UBE2E3: variants seen among roughly 807,000 people sequenced by gnomAD.
UBE2E3 encodes the protein ubiquitin-conjugating enzyme E2 E3.
UBE2E3 carries 5 observed loss-of-function variants against 23.6 expected under a neutral mutation model. The observed-to-expected ratio is 0.21, with a 90% CI of 0.11 to 0.44. UBE2E3 has a LOEUF of 0.44. Ranked by LOEUF, UBE2E3 falls within the 20% of genes least tolerant of loss-of-function variation. The pLI is 0.99. For missense variants in UBE2E3, 81 were observed against 249.8 expected (o/e 0.32, Z 4.55); for synonymous variants, 78 against 87.5 (o/e 0.89, Z 0.60).
intron 3 of UBE2E3, among the ~76,000 whole-genome samples, chr2:181,022,918 A>G (rs1685754698): frequency 6.6e-6 from 1 of 152,170 alleles, no homozygotes; most frequent in African/African-American, 2.4e-5. Context: ...TCAACTTACA[A>G]TGGGGCTATG....
Position 180,986,202 on chromosome 2 carries a change from G to T in UBE2E3, c.245+2109G>T, listed in dbSNP as rs374554739. The stretch of plus-strand genomic sequence containing the variant: ...CAACTGCTGCAAATGACATCTTTCA[G>T]TTCTCAGGTTCTTTTAATAGATGAG... On this transcript the variant is annotated intron_variant, in intron 3 of 5. Coordinates refer to ENST00000410062, the MANE Select transcript of UBE2E3 (RefSeq NM_006357.4). Among the ~76,000 whole-genome samples the T allele has an allele frequency of 1.3e-3, 202 of 152,192 alleles. 4 individuals carry two copies. The South Asian group carries it at 0.04, about 30-fold the overall frequency.
Position 181,041,236 on chromosome 2 carries a change from A to AT in UBE2E3, c.246-16457_246-16456insT. ...AACGACAGAGCAAGACTCCGTCTCA[A>AT]AAAAAAAAAAAAAAAAAGATAGATT... On this transcript the variant is annotated intron_variant, in intron 3 of 5. Transcript: ENST00000410062. Among the ~76,000 whole-genome samples the AT allele has an allele frequency of 2.0e-5, 3 of 146,686 alleles. No homozygotes were observed. In the South Asian group the frequency reaches 6.4e-4, roughly 31 times the overall value.
chr2:181,025,785 G>C (rs991255131), intron 3 of UBE2E3, among the ~76,000 whole-genome samples: 1 of 151,820 alleles, frequency 6.6e-6, no homozygotes, highest in South Asian at 2.1e-4. Flanking sequence ...AGAAAAATCT[G>C]AGTTTCATAC....
chr2:180,993,102 C>T (rs1243828560), intron 3 of UBE2E3, among the ~76,000 whole-genome samples: 1 of 152,108 alleles, frequency 6.6e-6, no homozygotes, highest in Non-Finnish European at 1.5e-5. Flanking sequence ...GACATTCTAT[C>T]AGTTTTATAA....
At chr2:181,004,434 A>T (rs1173530967) in intron 3 of UBE2E3, among the ~76,000 whole-genome samples, 1 of 152,120 alleles carries the variant, frequency 6.6e-6, no homozygotes, top group Non-Finnish European at 1.5e-5. Flanking sequence ...AGAGATCGGG[A>T]CCATCCTGGC....
chr2:181,030,801 T>C (rs1187505013), intron 3 of UBE2E3, among the ~76,000 whole-genome samples: 1 of 152,122 alleles, frequency 6.6e-6, no homozygotes, highest in Non-Finnish European at 1.5e-5. Flanking sequence ...AGGTTGAATT[T>C]TTCTAGGAAT....
intron 2 of UBE2E3, among the ~76,000 whole-genome samples, chr2:180,983,379 T>G (rs1684361842): frequency 6.6e-6 from 1 of 152,220 alleles, no homozygotes; most frequent in Admixed American, 6.5e-5. Context: ...TTTGAAATCA[T>G]CTTAAATTTG....
intron 3 of UBE2E3, chr2:180,989,772 C>T (rs914039197): frequency 9.3e-6 from 11 of 1,187,672 alleles, no homozygotes; most frequent in Middle Eastern, 2.1e-4. Context: ...ATGTTTACTT[C>T]GCAGCTACAT....
chr2:181,055,118 G>C (rs1686952982), intron 3 of UBE2E3, among the ~76,000 whole-genome samples: 2 of 151,718 alleles, frequency 1.3e-5, no homozygotes, highest in African/African-American at 4.8e-5. Flanking sequence ...AATGCCTGTT[G>C]GGAATGAGTT....
chr2:181,058,812 A>T (rs530436830), intron 4 of UBE2E3, among the ~76,000 whole-genome samples: 33 of 151,778 alleles, frequency 2.2e-4, no homozygotes, highest in Non-Finnish European at 4.6e-4. Context: ...CAAGGTAACG[A>T]GTGCCATCTA....
chr2:180,987,158 TA>T (rs1233691237), intron 3 of UBE2E3, among the ~76,000 whole-genome samples: 8 of 152,164 alleles, frequency 5.3e-5, no homozygotes, highest in African/African-American at 1.9e-4. Flanking sequence ...AACATAGGGA[TA>T]TGTTTATTTA....
chr2:181,033,314 A>G (rs970652458), intron 3 of UBE2E3, among the ~76,000 whole-genome samples: 2 of 152,240 alleles, frequency 1.3e-5, no homozygotes, highest in Admixed American at 1.3e-4. Context: ...ACAGCAGGGT[A>G]CTGGTACCAA....
intron 3 of UBE2E3, among the ~76,000 whole-genome samples, chr2:181,047,584 C>CT (rs139089800): frequency 0.018 from 2,734 of 152,216 alleles, 68 homozygotes; most frequent in African/African-American, 0.062. Context: ...CGAAACCCTC[C>CT]TTTTCCTCAC....
intron 3 of UBE2E3, among the ~76,000 whole-genome samples, chr2:180,994,980 A>G (rs1386226265): frequency 6.6e-6 from 1 of 152,216 alleles, no homozygotes; most frequent in Non-Finnish European, 1.5e-5. Context: ...TAACTATAAC[A>G]TACTGTATTA....
chr2:180,982,071 A>C lies in UBE2E3; in HGVS notation c.29A>C (p.Asp10Ala). The change falls in exon 2 of 6, where the codon GAT becomes GCT. Residue 10 changes from aspartate to alanine, a missense_variant. Asp to Ala is a moderately radical substitution (Grantham distance 126). Coordinates refer to ENST00000410062, the MANE Select transcript of UBE2E3 (RefSeq NM_006357.4). MSSDRQRSD[D>A]ESPSTSSGSS... is the part of the protein sequence containing the mutation. ...TCCAGTGATAGGCAAAGGTCCGATG[A>C]TGAGAGCCCCAGCACCAGCAGTGGC... is the stretch of plus-strand genomic sequence containing the variant. The C allele has an allele frequency of 6.2e-7, 1 of 1,606,814 alleles. No homozygotes were observed. The highest frequency in any genetic ancestry group is 8.5e-7 in the Non-Finnish European group (1 of 1,177,766).
At chr2:181,020,403 A>G (rs1685638320) in intron 3 of UBE2E3, among the ~76,000 whole-genome samples, 1 of 152,108 alleles carries the variant, frequency 6.6e-6, no homozygotes, top group African/African-American at 2.4e-5. Flanking sequence ...CATCTTCACT[A>G]ATTACATCTG....
intron 3 of UBE2E3, among the ~76,000 whole-genome samples, chr2:181,022,529 G>A (rs1437115798): frequency 4.0e-5 from 6 of 151,482 alleles, no homozygotes; most frequent in African/African-American, 7.3e-5. Context: ...CATTTAACTC[G>A]TGGCCAACAG....
At chr2:180,996,079 G>A (rs996866949) in intron 3 of UBE2E3, among the ~76,000 whole-genome samples, 4 of 151,774 alleles carry the variant, frequency 2.6e-5, no homozygotes, top group African/African-American at 9.7e-5. Flanking sequence ...TCAGTATATT[G>A]CTGTTATCAT....
chr2:181,012,143 C>T (rs1281549727), intron 3 of UBE2E3, among the ~76,000 whole-genome samples: 1 of 152,142 alleles, frequency 6.6e-6, no homozygotes, highest in African/African-American at 2.4e-5. Flanking sequence ...AGGTTTTTGT[C>T]ACTTGTGATG....
Sources: allele counts gnomAD v4.1 joint callset (sites outside exome capture counted in the v4.1 genomes callset), GRCh38; gene constraint gnomAD v4.1.1; transcripts MANE v1.5; gene names NCBI Gene and HGNC (gene_info 2026-07-23, HGNC 2026-07-21).